CNN2: variants seen among roughly 807,000 people sequenced by gnomAD.
CNN2 encodes the protein calponin-2.
In CNN2, 21 loss-of-function variants were observed where a neutral mutation model predicts 31.0. The observed-to-expected ratio is 0.68, with a 90% CI of 0.48 to 0.98. The LOEUF is 0.98. Among genes scored for constraint, CNN2 ranks in the 50% least tolerant of loss-of-function variants. The probability of loss-of-function intolerance (pLI) is 0.00; values close to 1 mark genes in which losing one functional copy is unlikely to be tolerated. For synonymous variants in CNN2, 165 were observed against 179.6 expected (o/e 0.92, Z 0.65); for missense variants, 399 against 427.3 (o/e 0.93, Z 0.58).
At position 1,032,649 on chromosome 19, in the gene CNN2, G is replaced by A. The variant is rs1157499746; in HGVS notation, c.343G>A (p.Gly115Arg). The part of the protein sequence containing the change: ...LFEANDLFES[G>R]NMTQVQVSLL... ...CGAGGCCAACGACCTGTTTGAGAGT[G>A]GGAACATGACGCAGGTGCAGGTGTC... Residue 115 changes from glycine to arginine, a missense_variant, in exon 4 of 7, where the codon GGG (glycine) becomes AGG (arginine). Gly to Arg is a moderately radical substitution (Grantham distance 125). Coordinates refer to ENST00000263097, the MANE Select transcript of CNN2 (RefSeq NM_004368.4). 6.2e-7 allele frequency: 1 copy of A among 1,612,484 alleles called. No individual in the cohort carries two copies. Among genetic ancestry groups the A allele is most frequent in the East Asian group, 2.2e-5 (1 of 44,886 alleles).
At chr19:1,033,243 C>T (rs1238015289) in intron 4 of CNN2, among the ~76,000 whole-genome samples, 3 of 151,910 alleles carry the variant, frequency 2.0e-5, no homozygotes, top group East Asian at 1.9e-4. Context: ...TCTGGCCGGG[C>T]GCAGTGGCTC....
chr19:1,036,852 T>G (rs2039597124), intron 6 of CNN2: 1 of 481,646 alleles, frequency 2.1e-6, no homozygotes, highest in Non-Finnish European at 3.8e-6. Flanking sequence ...CTTTATTTAT[T>G]TTATTTATGT....
intron 1 of CNN2, 142 bp downstream of exon 1, chr19:1,026,866 G>A: frequency 1.3e-6 from 1 of 747,638 alleles, no homozygotes; most frequent in Non-Finnish European, 2.1e-6. Context: ...TCTCCCTGAC[G>A]CCTGGTGGGG....
rs778171883 is a variant in CNN2 at position 1,036,212 on chromosome 19, C to G, written c.473C>G (p.Thr158Ser). ...EKQERNFDDA[T>S]MKAGQCVIGL... Reference sequence around the variant, plus strand: ...CAGGAGCGGAATTTCGACGATGCCACCATGAAGGCTGGCCAGTGCGTCATC... The same window carrying G: ...CAGGAGCGGAATTTCGACGATGCCAGCATGAAGGCTGGCCAGTGCGTCATC... The change falls in exon 5 of 7, where the codon ACC (threonine) becomes AGC (serine). Residue 158 changes from threonine to serine, a missense_variant. Physicochemically the swap from Thr to Ser is moderately conservative, Grantham distance 58. Transcript: ENST00000263097. The G allele has an allele frequency of 6.4e-7, 1 of 1,568,382 alleles. No homozygotes were observed. Among genetic ancestry groups the G allele is most frequent in the South Asian group, 1.2e-5 (1 of 83,888 alleles).
rs778756115 is a variant in CNN2 at position 1,037,856 on chromosome 19, G to C, written c.886G>C (p.Val296Leu). The C allele has an allele frequency of 6.2e-7, 1 of 1,602,890 alleles. No homozygotes were observed. The highest frequency in any genetic ancestry group is 8.5e-7 in the Non-Finnish European group (1 of 1,173,418). ...GTGDCPDPGE[V>L]PEYPPYYQEE... ...CGGCGACTGCCCGGACCCGGGGGAG[G>C]TCCCTGAATATCCCCCTTACTACCA... Residue 296 changes from valine to leucine, a missense_variant, in exon 7 of 7, where the codon GTC becomes CTC. Coordinates refer to ENST00000263097, the MANE Select transcript of CNN2 (RefSeq NM_004368.4).
chr19:1,037,336 C>T, intron 6 of CNN2: 2 of 365,032 alleles, frequency 5.5e-6, no homozygotes, highest in South Asian at 3.7e-5. Flanking sequence ...TGGGGTTTCA[C>T]CGTGTTGGCC....
intron 1 of CNN2, among the ~76,000 whole-genome samples, chr19:1,028,029 T>C (rs912894195): frequency 6.6e-6 from 1 of 152,178 alleles, no homozygotes; most frequent in Admixed American, 6.5e-5. Context: ...AGGGGCCATC[T>C]GCACCCTGCA....
intron 1 of CNN2, among the ~76,000 whole-genome samples, chr19:1,030,742 C>T (rs1030605632): frequency 1.3e-5 from 2 of 151,946 alleles, no homozygotes; most frequent in Admixed American, 6.6e-5. Context: ...TGTGATATAG[C>T]GGGGAGGTGA....
chr19:1,035,164 C>T lies in CNN2; in HGVS notation c.391-966C>T, dbSNP rs2039559493. On this transcript the variant is annotated intron_variant, in intron 4 of 6. Coordinates refer to ENST00000263097, the MANE Select transcript of CNN2 (RefSeq NM_004368.4). ...GTGTAGACGGGGAGCGTGGGTGGGA[C>T]GGTGTCTGGTGTAGACGGGGAGCGT... is the stretch of plus-strand genomic sequence containing the variant. 2.3e-5 allele frequency among the ~76,000 whole-genome samples: 3 copies of T among 129,688 alleles called. No individual in the cohort carries two copies. The Admixed American group carries it at 2.4e-4, about 10-fold the overall frequency. The allele number at this position is 129,688 out of a possible 152,430, so 85.1% of individuals were successfully genotyped here.
At position 1,036,621 on chromosome 19, in the gene CNN2, C is replaced by T. The variant is rs141780076; in HGVS notation, c.654+59C>T. On this transcript the variant is annotated intron_variant, in intron 6 of 6. Transcript: ENST00000263097. Reference sequence around the variant, plus strand: ...CCTGCCCCTCTACACCCTGTGGTCTCGGCCCCTCCCTGGGGCCACCTCCAG... The same window carrying T: ...CCTGCCCCTCTACACCCTGTGGTCTTGGCCCCTCCCTGGGGCCACCTCCAG... The T allele has an allele frequency of 1.5e-4, 243 of 1,607,102 alleles. 1 individual carries two copies. In the African/African-American group the frequency reaches 2.7e-3, roughly 18 times the overall value.
At chr19:1,026,982 G>T (rs2039408696) in intron 1 of CNN2, 1 of 454,336 alleles carries the variant, frequency 2.2e-6, no homozygotes, top group South Asian at 2.6e-5. Flanking sequence ...TCTAGGGGTA[G>T]TTGGGTCTGA....
chr19:1,036,050 C>T (rs770332254), intron 4 of CNN2, 80 bp from the exon 5 acceptor site: 2 of 1,489,962 alleles, frequency 1.3e-6, no homozygotes, highest in Middle Eastern at 1.8e-4. Flanking sequence ...GCGGCCTGGT[C>T]TCTGTCCCGC....
At chr19:1,036,382 T>G in intron 5 of CNN2, 34 bp from the exon 6 acceptor site, 1 of 1,606,186 alleles carries the variant, frequency 6.2e-7, no homozygotes, top group Non-Finnish European at 8.5e-7. Context: ...GCTTGTTGGG[T>G]GCAGTCTGAC....
intron 6 of CNN2, 32 bp from the exon 7 acceptor site, chr19:1,037,593 C>T (rs1363683886): frequency 2.5e-6 from 4 of 1,596,218 alleles, no homozygotes; most frequent in Non-Finnish European, 3.4e-6. Context: ...TTCTCTCCAC[C>T]ATGACCTGCT....
chr19:1,031,143 A>C lies in CNN2; in HGVS notation c.136A>C (p.Ile46Leu). Residue 46 changes from isoleucine to leucine, a missense_variant, in exon 2 of 7, where the codon ATC becomes CTC. Physicochemically the swap from Ile to Leu is conservative, Grantham distance 5 (BLOSUM62 2). Transcript: ENST00000263097. ...TWIEGLTGLS[I>L]GPDFQKGLKD... ...GATCGAGGGACTCACCGGCCTCTCCATCGGCCCCGACTTCCAGAAGGGCCT... is the reference window on the plus strand; with the variant it reads ...GATCGAGGGACTCACCGGCCTCTCCCTCGGCCCCGACTTCCAGAAGGGCCT... 1 of 1,613,336 alleles carries C rather than the reference A, an allele frequency of 6.2e-7. No individual in the cohort carries two copies. Among genetic ancestry groups the C allele is most frequent in the Non-Finnish European group, 8.5e-7 (1 of 1,179,902 alleles).
At position 1,036,518 on chromosome 19, in the gene CNN2, T is replaced by C. The variant is rs1432534826; in HGVS notation, c.610T>C (p.Ser204Pro). 6.2e-7 allele frequency: 1 copy of C among 1,613,510 alleles called. No homozygotes were observed. The highest frequency in any genetic ancestry group is 1.7e-5 in the Admixed American group (1 of 60,004). Residue 204 changes from serine (S) to proline (P), a missense_variant, in exon 6 of 7, where the codon TCG becomes CCG. Ser to Pro is a moderately conservative substitution (Grantham distance 74, BLOSUM62 -1). Transcript: ENST00000263097. The stretch of plus-strand genomic sequence containing the variant: ...CCATATCCTGCCCCCCATGGACCAC[T>C]CGACCATCAGCCTCCAGATGGGCAC... ...KNHILPPMDH[S>P]TISLQMGTNK...
intron 4 of CNN2, 142 bp from the exon 5 acceptor site, chr19:1,035,988 C>T (rs1209648421): frequency 1.5e-6 from 2 of 1,336,924 alleles, no homozygotes; most frequent in Non-Finnish European, 9.9e-7. Context: ...GTCCCAGACA[C>T]CCGAGAGATG....
intron 1 of CNN2, among the ~76,000 whole-genome samples, chr19:1,028,922 C>T (rs1046324778): frequency 6.6e-6 from 1 of 152,222 alleles, no homozygotes; most frequent in Non-Finnish European, 1.5e-5. Flanking sequence ...GGGGCCTCCC[C>T]GCCTTTGCCT....
intron 3 of CNN2, 21 bp downstream of exon 3, chr19:1,032,479 A>G: frequency 6.2e-7 from 1 of 1,613,528 alleles, no homozygotes; most frequent in Non-Finnish European, 8.5e-7. Context: ...GGTGGAGCGG[A>G]GCAGGGATGG....
Sources: gnomAD v4.1 joint callset for allele counts (sites outside exome capture counted in the v4.1 genomes callset) on GRCh38, gnomAD v4.1.1 for gene constraint, MANE v1.5 for transcripts, NCBI Gene and HGNC (gene_info 2026-07-23, HGNC 2026-07-21) for gene names.